CACNA2D1: variants seen among roughly 807,000 people sequenced by gnomAD.
CACNA2D1 encodes calcium voltage-gated channel auxiliary subunit alpha2delta 1, also known as voltage-dependent calcium channel subunit alpha-2/delta-1.
Under a neutral mutation model 171.5 loss-of-function variants are expected in CACNA2D1, and 53 were observed. The observed-to-expected ratio is 0.31, with a 90% CI of 0.25 to 0.39. The LOEUF (loss-of-function observed/expected upper bound fraction) is 0.39. Ranked by LOEUF, CACNA2D1 falls within the 10% of genes least tolerant of loss-of-function variation. CACNA2D1 has a pLI of 1.00. For synonymous variants in CACNA2D1, 442 were observed against 443.1 expected (o/e 1.00, Z 0.03); for missense variants, 903 against 1,299.8 (o/e 0.69, Z 4.69).
At chr7:82,235,015 C>G (rs1425323303) in intron 3 of CACNA2D1, among the ~76,000 whole-genome samples, 1 of 152,138 alleles carries the variant, frequency 6.6e-6, no homozygotes, top group Non-Finnish European at 1.5e-5. Context: ...CACCTCCAGT[C>G]TGTGCTAACC....
rs1453049266 is a variant in CACNA2D1 at position 82,080,044 on chromosome 7, A to AATATATATGTGTGTATATATATACGT, written c.658+4699_658+4724dup. ...GGTACATAATACTGATGGGGTTAAA[A>AATATATATGTGTGTATATATATACGT]ATATATATGTGTGTATATATATACG... is the stretch of plus-strand genomic sequence containing the variant. On this transcript the variant is annotated intron_variant, in intron 7 of 38. Coordinates refer to ENST00000356860, the MANE Select transcript of CACNA2D1 (RefSeq NM_000722.4). Among the ~76,000 whole-genome samples, 3 of 67,646 alleles carry AATATATATGTGTGTATATATATACGT rather than the reference A, an allele frequency of 4.4e-5. No individual in the cohort carries two copies. In the Admixed American group the frequency reaches 5.3e-4, roughly 12 times the overall value. 44.4% of individuals were successfully genotyped at this position (67,646 alleles called of 152,430 possible).
chr7:82,065,955 C>T (rs1807546871), intron 8 of CACNA2D1, among the ~76,000 whole-genome samples: 1 of 152,036 alleles, frequency 6.6e-6, no homozygotes, highest in South Asian at 2.1e-4. Context: ...GGTATTTTTC[C>T]AGTTTTATGT....
At chr7:82,295,341 ATT>A (rs10645184) in intron 3 of CACNA2D1, among the ~76,000 whole-genome samples, 42 of 145,756 alleles carry the variant, frequency 2.9e-4, no homozygotes, top group Non-Finnish European at 2.7e-4. Flanking sequence ...AGTAGCTTGT[ATT>A]TTTTTTTTTT....
intron 3 of CACNA2D1, among the ~76,000 whole-genome samples, chr7:82,203,940 G>A (rs1265010881): frequency 6.6e-6 from 1 of 152,210 alleles, no homozygotes; most frequent in African/African-American, 2.4e-5. Context: ...CCTACTTGGA[G>A]CAGCCAAGTA....
intron 3 of CACNA2D1, among the ~76,000 whole-genome samples, chr7:82,206,336 T>C (rs1212123738): frequency 6.6e-6 from 1 of 152,066 alleles, no homozygotes; most frequent in African/African-American, 2.4e-5. Context: ...AAAATTATCT[T>C]TCATGAATGA....
At chr7:81,974,624 A>G (rs953907983) in intron 24 of CACNA2D1, 72 bp from the exon 25 acceptor site, 41 of 768,662 alleles carry the variant, frequency 5.3e-5, no homozygotes, top group Non-Finnish European at 8.1e-5. Context: ...GGTAGTGAAA[A>G]CACTATTTTT....
intron 3 of CACNA2D1, among the ~76,000 whole-genome samples, chr7:82,203,074 G>A (rs952165571): frequency 1.3e-5 from 2 of 152,100 alleles, no homozygotes; most frequent in South Asian, 2.1e-4. Flanking sequence ...CAAAGACTAC[G>A]TGCTGCAGCC....
At chr7:81,962,163 G>A in intron 35 of CACNA2D1, 140 bp from the exon 36 acceptor site, 1 of 737,746 alleles carries the variant, frequency 1.4e-6, no homozygotes, top group Non-Finnish European at 2.3e-6. Flanking sequence ...GTTTACTGCT[G>A]TGTAATATCG....
intron 1 of CACNA2D1, among the ~76,000 whole-genome samples, chr7:82,372,407 C>G (rs80210077): frequency 8.0e-4 from 121 of 152,112 alleles, no homozygotes; most frequent in Non-Finnish European, 1.4e-3. Flanking sequence ...TCCAAAACTA[C>G]CAGGTAATTT....
chr7:82,326,249 G>C (rs766311763), intron 3 of CACNA2D1, among the ~76,000 whole-genome samples: 2 of 152,138 alleles, frequency 1.3e-5, no homozygotes, highest in Non-Finnish European at 2.9e-5. Context: ...TGATATTTTT[G>C]TGACCAAGAA....
intron 18 of CACNA2D1, among the ~76,000 whole-genome samples, chr7:81,998,715 G>C (rs1798294995): frequency 6.6e-6 from 1 of 151,960 alleles, no homozygotes; most frequent in East Asian, 1.9e-4. Flanking sequence ...CTGAAAATAA[G>C]TATTAAATTT....
intron 6 of CACNA2D1, among the ~76,000 whole-genome samples, chr7:82,096,694 C>T (rs760745590): frequency 6.7e-6 from 1 of 149,020 alleles, no homozygotes; most frequent in Non-Finnish European, 1.5e-5. Flanking sequence ...CCTGCAATAA[C>T]AAAACATCCA....
intron 1 of CACNA2D1, among the ~76,000 whole-genome samples, chr7:82,390,706 T>G (rs577338829): frequency 5.9e-5 from 9 of 152,232 alleles, no homozygotes; most frequent in Non-Finnish European, 8.8e-5. Context: ...ATTTTTTCCT[T>G]GCAGTGTTTA....
chr7:82,157,691 G>C (rs1794508713), intron 4 of CACNA2D1, among the ~76,000 whole-genome samples: 1 of 151,840 alleles, frequency 6.6e-6, no homozygotes, highest in South Asian at 2.1e-4. Flanking sequence ...TTTCAGCATA[G>C]GACTTTGAAA....
Position 82,217,390 on chromosome 7 carries a change from CATACATATAT to C in CACNA2D1, c.295-46791_295-46782del, listed in dbSNP as rs769059284. ...ATATACACACATATACACACACACA[CATACATATAT>C]ATATATATATATATATATATATATA... On this transcript the variant is annotated intron_variant, in intron 3 of 38. Transcript: ENST00000356860. Among the ~76,000 whole-genome samples the C allele has an allele frequency of 5.2e-3, 285 of 54,464 alleles. 14 individuals are homozygous for C. Among genetic ancestry groups the C allele is most frequent in the African/African-American group, 0.035 (267 of 7,666 alleles). 35.7% of individuals were successfully genotyped at this position (54,464 alleles called of 152,430 possible).
At chr7:82,428,998 A>G (rs375877560) in intron 1 of CACNA2D1, among the ~76,000 whole-genome samples, 1 of 152,192 alleles carries the variant, frequency 6.6e-6, no homozygotes, top group East Asian at 1.9e-4. Flanking sequence ...TGAAGATGTG[A>G]AAGAGTAGGA....
chr7:82,092,525 A>G (rs978787294), intron 6 of CACNA2D1, among the ~76,000 whole-genome samples: 5 of 133,566 alleles, frequency 3.7e-5, no homozygotes, highest in African/African-American at 1.5e-4. Context: ...GGCACCCACC[A>G]CCACGCCCAG....
intron 10 of CACNA2D1, among the ~76,000 whole-genome samples, chr7:82,053,504 G>A (rs1240261842): frequency 2.0e-5 from 3 of 152,038 alleles, no homozygotes; most frequent in East Asian, 1.9e-4. Context: ...ACTTCAGAGT[G>A]TAGTTGACAA....
chr7:82,045,171 T>G (rs1804411966), intron 10 of CACNA2D1, among the ~76,000 whole-genome samples: 1 of 152,152 alleles, frequency 6.6e-6, no homozygotes, highest in Non-Finnish European at 1.5e-5. Flanking sequence ...TTCCAAAAAT[T>G]TTGTGCCAAT....
Sources: allele counts gnomAD v4.1 joint callset (sites outside exome capture counted in the v4.1 genomes callset), GRCh38; gene constraint gnomAD v4.1.1; transcripts MANE v1.5; gene names NCBI Gene and HGNC (gene_info 2026-07-23, HGNC 2026-07-21).